The following ZBTB7C variants were observed in gnomAD, a reference collection of about 807,000 sequenced individuals.
The protein encoded by ZBTB7C is zinc finger and BTB domain containing 7C, also known as zinc finger and BTB domain-containing protein 7C.
Under a neutral mutation model 25.7 loss-of-function variants are expected in ZBTB7C, and 8 were observed. That is an observed-to-expected ratio of 0.31 (90% CI 0.18 to 0.56). The LOEUF (loss-of-function observed/expected upper bound fraction) is 0.56. Among genes scored for constraint, ZBTB7C ranks in the 20% least tolerant of loss-of-function variants. ZBTB7C has a pLI of 0.91. For missense variants in ZBTB7C, 824 were observed against 855.2 expected, an observed-to-expected ratio of 0.96 and a Z score of 0.46; for synonymous variants, 394 against 369.0, an observed-to-expected ratio of 1.07 and a Z score of -0.78.
chr18:48,395,265 ATGTGTGTG>A (rs59232482), intron 1 of ZBTB7C, among the ~76,000 whole-genome samples: 1,176 of 103,586 alleles, frequency 0.011, 17 homozygotes, highest in African/African-American at 0.026. Flanking sequence ...GAGAGAGAGA[ATGTGTGTG>A]TGTGTGTGTG....
intron 3 of ZBTB7C, among the ~76,000 whole-genome samples, chr18:48,138,706 C>A (rs529835121): frequency 1.3e-5 from 2 of 152,256 alleles, no homozygotes; most frequent in African/African-American, 4.8e-5. Flanking sequence ...AGCTTTTTAT[C>A]AAAAACCAGG....
At chr18:48,094,385 C>T (rs536674659) in intron 3 of ZBTB7C, among the ~76,000 whole-genome samples, 1 of 152,306 alleles carries the variant, frequency 6.6e-6, no homozygotes, top group East Asian at 1.9e-4. Flanking sequence ...CTTCTGGTTA[C>T]CCCCAGCTAT....
chr18:48,051,325 A>G (rs9960608), intron 3 of ZBTB7C, among the ~76,000 whole-genome samples: 69,931 of 151,924 alleles, frequency 0.46, 16,439 homozygotes, highest in East Asian at 0.58. Context: ...GGGGATAGAA[A>G]TGGGTGTGGG....
chr18:48,169,031 C>T (rs1230442125), intron 3 of ZBTB7C, among the ~76,000 whole-genome samples: 1 of 152,234 alleles, frequency 6.6e-6, no homozygotes, highest in Non-Finnish European at 1.5e-5. Context: ...GGGGCACTTG[C>T]CCTGTCCCCA....
intron 3 of ZBTB7C, among the ~76,000 whole-genome samples, chr18:48,108,193 G>A (rs530727542): frequency 3.3e-4 from 51 of 152,296 alleles, no homozygotes; most frequent in African/African-American, 1.2e-3. Flanking sequence ...GGATGGGACA[G>A]GACTTGCCCA....
chr18:48,127,282 A>C (rs933530669), intron 3 of ZBTB7C, among the ~76,000 whole-genome samples: 1 of 152,200 alleles, frequency 6.6e-6, no homozygotes, highest in Non-Finnish European at 1.5e-5. Context: ...CATCAGTCCC[A>C]GCTCAGAGCA....
chr18:48,239,537 C>T (rs919780114), intron 2 of ZBTB7C, among the ~76,000 whole-genome samples: 1 of 152,184 alleles, frequency 6.6e-6, no homozygotes, highest in South Asian at 2.1e-4. Context: ...ATGAATCACA[C>T]CACAGGACTC....
At chr18:48,153,559 G>A (rs1027365998) in intron 3 of ZBTB7C, among the ~76,000 whole-genome samples, 4 of 152,210 alleles carry the variant, frequency 2.6e-5, no homozygotes, top group African/African-American at 7.2e-5. Context: ...AAGAAGGGAA[G>A]AAAAGAAAAC....
At chr18:48,241,134 T>G (rs11082667) in intron 2 of ZBTB7C, among the ~76,000 whole-genome samples, 18,106 of 152,030 alleles carry the variant, frequency 0.12, 2,576 homozygotes, top group East Asian at 0.66. Flanking sequence ...AAAAGGACTA[T>G]TTAAACAGGA....
In ZBTB7C at chr18:48,329,043, G is replaced by A. The variant is rs375600062; in HGVS notation, c.-79+9131C>T. 7.2e-5 allele frequency among the ~76,000 whole-genome samples: 11 copies of A among 152,264 alleles called. No individual in the cohort carries two copies. In the East Asian group the frequency reaches 1.9e-3, roughly 27 times the overall value. On this transcript the variant is annotated intron_variant, in intron 2 of 4. Transcript: ENST00000590800. The stretch of plus-strand genomic sequence containing the variant: ...TCTCAGTCCCAGTGGCCACCTGACT[G>A]TTATCCACCAGGGCTGGGAGAAGAT...
intron 3 of ZBTB7C, among the ~76,000 whole-genome samples, chr18:48,138,853 C>T (rs2040253835): frequency 1.3e-5 from 2 of 152,218 alleles, no homozygotes; most frequent in Non-Finnish European, 2.9e-5. Context: ...AACACATGAC[C>T]TGGATGGAAT....
intron 3 of ZBTB7C, chr18:48,087,520 C>G (rs1191784430): frequency 6.6e-6 from 1 of 152,212 alleles, no homozygotes; most frequent in South Asian, 2.1e-4. Context: ...GGTAATCACT[C>G]TTGTGGTAAT....
chr18:48,238,466 G>A (rs767208515), intron 2 of ZBTB7C, among the ~76,000 whole-genome samples: 9 of 152,188 alleles, frequency 5.9e-5, no homozygotes, highest in Non-Finnish European at 1.2e-4. Flanking sequence ...AGTGCCCAAA[G>A]TGTGTGAGAG....
At chr18:48,134,769 G>A (rs539059355) in intron 3 of ZBTB7C, among the ~76,000 whole-genome samples, 1 of 152,342 alleles carries the variant, frequency 6.6e-6, no homozygotes, top group South Asian at 2.1e-4. Flanking sequence ...GAGACTGTTT[G>A]GGCCTCTTCT....
intron 3 of ZBTB7C, among the ~76,000 whole-genome samples, chr18:48,060,111 C>T (rs544894141): frequency 6.6e-6 from 1 of 152,138 alleles, no homozygotes; most frequent in South Asian, 2.1e-4. Flanking sequence ...TATAATGTAG[C>T]CCATCCTCTC....
intron 3 of ZBTB7C, among the ~76,000 whole-genome samples, chr18:48,129,943 C>T (rs2144767449): frequency 6.6e-6 from 1 of 152,320 alleles, no homozygotes; most frequent in Admixed American, 6.5e-5. Context: ...CCTCCCTGCT[C>T]CCTAGCAGGT....
At chr18:48,236,341 G>A (rs562308807) in intron 2 of ZBTB7C, among the ~76,000 whole-genome samples, 1 of 152,266 alleles carries the variant, frequency 6.6e-6, no homozygotes, top group East Asian at 1.9e-4. Flanking sequence ...TTCATAAATG[G>A]ATACCTATTC....
rs117756312 is a variant in ZBTB7C at position 48,050,657 on chromosome 18, C to A, written c.-16-9534G>T. On this transcript the variant is annotated intron_variant, in intron 3 of 4. Transcript: ENST00000590800. ...CCTCCTCTTTCCCTGCAATGTCCAG[C>A]CCCCTTGACAAGACAAGCAAGGGCC... Among the ~76,000 whole-genome samples, 1,191 of 152,324 alleles carry A rather than the reference C, an allele frequency of 7.8e-3. 7 individuals are homozygous for A. Among genetic ancestry groups the A allele is most frequent in the Non-Finnish European group, 0.013 (868 of 68,030 alleles).
intron 2 of ZBTB7C, among the ~76,000 whole-genome samples, chr18:48,269,722 A>C (rs2044417137): frequency 6.6e-6 from 1 of 152,226 alleles, no homozygotes; most frequent in Admixed American, 6.5e-5. Flanking sequence ...AAAGATTTTC[A>C]GGAGACTCCT....
Sources: allele counts gnomAD v4.1 joint callset (sites outside exome capture counted in the v4.1 genomes callset), GRCh38; gene constraint gnomAD v4.1.1; transcripts MANE v1.5; gene names NCBI Gene and HGNC (gene_info 2026-07-23, HGNC 2026-07-21).